SLC22A3: variants seen among roughly 807,000 people sequenced by gnomAD.
SLC22A3 encodes the protein EMT organic cation transporter 3.
SLC22A3 carries 51 observed loss-of-function variants against 59.1 expected under a neutral mutation model. The observed-to-expected ratio is 0.86, with a 90% CI of 0.69 to 1.09. The LOEUF (loss-of-function observed/expected upper bound fraction) is 1.09, where lower values mean the gene tolerates loss of function less well. SLC22A3 is among the 50% of genes least tolerant of loss of function. The pLI, the probability that SLC22A3 is intolerant of heterozygous loss-of-function variation, is 0.00. For synonymous variants in SLC22A3, 325 were observed against 292.0 expected (o/e 1.11, Z -1.15); for missense variants, 711 against 726.3 (o/e 0.98, Z 0.24).
chr6:160,418,484 C>A (rs1047626787), intron 5 of SLC22A3, among the ~76,000 whole-genome samples: 1 of 152,150 alleles, frequency 6.6e-6, no homozygotes, highest in African/African-American at 2.4e-5. Flanking sequence ...ACCTTGTGGC[C>A]GTGTGAGCCA....
At chr6:160,439,152 G>C (rs1430717758) in intron 7 of SLC22A3, among the ~76,000 whole-genome samples, 1 of 152,034 alleles carries the variant, frequency 6.6e-6, no homozygotes, top group South Asian at 2.1e-4. Flanking sequence ...CACTGAACTA[G>C]GAGGGGAATG....
chr6:160,421,704 C>T (rs1490657335), intron 5 of SLC22A3, among the ~76,000 whole-genome samples: 1 of 152,138 alleles, frequency 6.6e-6, no homozygotes, highest in Non-Finnish European at 1.5e-5. Flanking sequence ...GTTGTGTAGG[C>T]ATCTAATTTG....
chr6:160,373,038 G>C (rs1451422527), intron 1 of SLC22A3, among the ~76,000 whole-genome samples: 2 of 152,074 alleles, frequency 1.3e-5, no homozygotes, highest in Non-Finnish European at 2.9e-5. Context: ...ATCTAGTTTT[G>C]TTCCCTTGCT....
At chr6:160,360,423 A>T (rs770123643) in intron 1 of SLC22A3, among the ~76,000 whole-genome samples, 1 of 152,204 alleles carries the variant, frequency 6.6e-6, no homozygotes. Context: ...ACGCCATTGC[A>T]CTTCAGCCTG....
intron 1 of SLC22A3, among the ~76,000 whole-genome samples, chr6:160,363,780 C>A (rs1294610746): frequency 4.6e-5 from 7 of 152,098 alleles, no homozygotes; most frequent in Admixed American, 4.6e-4. Flanking sequence ...TGTCCCTGCC[C>A]CCAGCACAGG....
chr6:160,348,999 A>G, intron 1 of SLC22A3, 151 bp downstream of exon 1: 1 of 1,496,344 alleles, frequency 6.7e-7, no homozygotes, highest in Non-Finnish European at 8.9e-7. Context: ...GATTCAGCGC[A>G]CCCTTGGAAG....
At chr6:160,349,293 T>C (rs1324171849) in intron 1 of SLC22A3, among the ~76,000 whole-genome samples, 1 of 152,064 alleles carries the variant, frequency 6.6e-6, no homozygotes, top group Non-Finnish European at 1.5e-5. Flanking sequence ...GTCTCCAGGG[T>C]CAAAGGAAAG....
intron 1 of SLC22A3, 98 bp downstream of exon 1, chr6:160,348,946 C>A: frequency 2.0e-6 from 3 of 1,529,152 alleles, no homozygotes; most frequent in South Asian, 2.4e-5. Context: ...CAGGGGAGGT[C>A]GGTGGAGACG....
At chr6:160,447,051 C>T (rs544312582) in intron 9 of SLC22A3, among the ~76,000 whole-genome samples, 1 of 152,186 alleles carries the variant, frequency 6.6e-6, no homozygotes, top group African/African-American at 2.4e-5. Context: ...CACTAGGCTA[C>T]AAAGAAGTGG....
At chr6:160,423,586 A>G (rs1433192144) in intron 5 of SLC22A3, among the ~76,000 whole-genome samples, 1 of 152,204 alleles carries the variant, frequency 6.6e-6, no homozygotes, top group Non-Finnish European at 1.5e-5. Flanking sequence ...GCCAGTGATG[A>G]TGAGCATTTT....
intron 10 of SLC22A3, among the ~76,000 whole-genome samples, chr6:160,448,421 G>C (rs1293804239): frequency 6.6e-6 from 1 of 152,094 alleles, no homozygotes; most frequent in Admixed American, 6.6e-5. Context: ...ATAAGTGATA[G>C]TAGATAAATG....
chr6:160,375,020 C>T (rs1398680263), intron 1 of SLC22A3, among the ~76,000 whole-genome samples: 1 of 152,140 alleles, frequency 6.6e-6, no homozygotes, highest in Non-Finnish European at 1.5e-5. Flanking sequence ...GGCTGACAAC[C>T]ACTTCCGTCC....
intron 1 of SLC22A3, among the ~76,000 whole-genome samples, chr6:160,357,217 T>G (rs1784872136): frequency 6.6e-6 from 1 of 152,240 alleles, no homozygotes; most frequent in East Asian, 1.9e-4. Flanking sequence ...AGGTGACCTC[T>G]GTCATAGGAC....
intron 1 of SLC22A3, among the ~76,000 whole-genome samples, chr6:160,389,995 A>G (rs1424121211): frequency 6.6e-6 from 1 of 152,220 alleles, no homozygotes; most frequent in Non-Finnish European, 1.5e-5. Flanking sequence ...GTGACTCAAG[A>G]TGTTTAGTTC....
intron 1 of SLC22A3, among the ~76,000 whole-genome samples, chr6:160,358,111 G>GA (rs1230525215): frequency 6.6e-6 from 1 of 152,166 alleles, no homozygotes; most frequent in Non-Finnish European, 1.5e-5. Context: ...AGAGTTTTGT[G>GA]AAAAAATTAT....
intron 1 of SLC22A3, among the ~76,000 whole-genome samples, chr6:160,387,018 A>G (rs982104752): frequency 6.6e-6 from 1 of 152,186 alleles, no homozygotes; most frequent in African/African-American, 2.4e-5. Flanking sequence ...ACAACCTGGC[A>G]CTGCAGCTGC....
Position 160,396,181 on chromosome 6 carries a change from C to T in SLC22A3, c.430-1798C>T, listed in dbSNP as rs926275060. Among the ~76,000 whole-genome samples the T allele has an allele frequency of 3.9e-5, 6 of 152,204 alleles. No homozygotes were observed. The South Asian group carries it at 1.2e-3, about 32-fold the overall frequency. On this transcript the variant is annotated intron_variant, in intron 1 of 10. Transcript: ENST00000275300. ...TGCAAAATTAATCATGCCTCTCTCT[C>T]ATCTTTCTCTGAGGCATTGACTTGA...
intron 1 of SLC22A3, among the ~76,000 whole-genome samples, chr6:160,378,579 A>G (rs889331039): frequency 1.2e-4 from 19 of 152,204 alleles, no homozygotes; most frequent in Admixed American, 7.9e-4. Context: ...TTTTCGTGGA[A>G]TGTCTGGTGG....
chr6:160,356,568 G>C (rs1237676490), intron 1 of SLC22A3, among the ~76,000 whole-genome samples: 1 of 152,222 alleles, frequency 6.6e-6, no homozygotes, highest in Non-Finnish European at 1.5e-5. Context: ...GAGGAGCACT[G>C]AAGGGCCTGG....
Sources: gnomAD v4.1 joint callset for allele counts (sites outside exome capture counted in the v4.1 genomes callset) on GRCh38, gnomAD v4.1.1 for gene constraint, MANE v1.5 for transcripts, NCBI Gene and HGNC (gene_info 2026-07-23, HGNC 2026-07-21) for gene names.